Variants in MEF2A observed in about 807,000 individuals in gnomAD.
MEF2A encodes myocyte-specific enhancer factor 2A.
A neutral mutation model predicts 55.8 loss-of-function variants in MEF2A; 28 were observed. That is an observed-to-expected ratio of 0.50 (90% CI 0.37 to 0.69). The LOEUF is 0.69. Among genes scored for constraint, MEF2A ranks in the 30% least tolerant of loss-of-function variants. The pLI is 0.00. For missense variants in MEF2A, 528 were observed against 626.2 expected, an observed-to-expected ratio of 0.84 and a Z score of 1.67; for synonymous variants, 239 against 227.1, an observed-to-expected ratio of 1.05 and a Z score of -0.47.
At chr15:99,622,863 G>C (rs764250734) in intron 2 of MEF2A, among the ~76,000 whole-genome samples, 1 of 151,810 alleles carries the variant, frequency 6.6e-6, no homozygotes, top group Non-Finnish European at 1.5e-5. Flanking sequence ...CACCATGCCC[G>C]GCTAATTTTT....
At chr15:99,609,418 A>G (rs192410362) in intron 2 of MEF2A, among the ~76,000 whole-genome samples, 101 of 152,338 alleles carry the variant, frequency 6.6e-4, no homozygotes, top group African/African-American at 2.4e-3. Context: ...ATAAAGCCAA[A>G]CTGCACTTTC....
chr15:99,570,920 C>T (rs1961964790), intron 1 of MEF2A, among the ~76,000 whole-genome samples: 1 of 152,096 alleles, frequency 6.6e-6, no homozygotes, highest in African/African-American at 2.4e-5. Context: ...CGCGGTGGCT[C>T]ATGCCTGTAA....
intron 1 of MEF2A, among the ~76,000 whole-genome samples, chr15:99,574,024 T>C (rs1963426660): frequency 1.3e-5 from 2 of 152,170 alleles, no homozygotes; most frequent in African/African-American, 4.8e-5. Context: ...TTCCACAAAG[T>C]ACAGTTTTAG....
In MEF2A at chr15:99,706,743, C is replaced by T. The variant is rs776198742; in HGVS notation, c.897C>T (p.Ile299=). The change falls in exon 10 of 12, where the codon ATC becomes ATT. Residue 299 remains isoleucine, a synonymous_variant. Coordinates refer to ENST00000557942, the MANE Select transcript of MEF2A (RefSeq NM_001319206.4). Reference sequence around the variant, plus strand: ...TGATCTCACAGAATACCCAGAGGATCAGTAGTTCTCAAGCCACTCAACCTC... The same window carrying T: ...TGATCTCACAGAATACCCAGAGGATTAGTAGTTCTCAAGCCACTCAACCTC... ...EEELELNTQR[I]SSSQATQPLA... 3 of 1,613,098 alleles carry T rather than the reference C, an allele frequency of 1.9e-6. No homozygotes were observed. Among genetic ancestry groups the T allele is most frequent in the Admixed American group, 1.7e-5 (1 of 60,000 alleles).
Position 99,587,382 on chromosome 15 carries a change from T to C in MEF2A, c.-224-11048T>C, listed in dbSNP as rs1174971964. On this transcript the variant is annotated intron_variant, in intron 1 of 11. Coordinates refer to ENST00000557942, the MANE Select transcript of MEF2A (RefSeq NM_001319206.4). ...TTCATCCATGTCCCTGCAAAGGACA[T>C]GAACTCATCCTTTTTTTATGGCTGC... 3.3e-5 allele frequency among the ~76,000 whole-genome samples: 5 copies of C among 152,332 alleles called. No homozygotes were observed. The East Asian group carries it at 9.6e-4, about 29-fold the overall frequency.
At chr15:99,578,788 C>G (rs1448647827) in intron 1 of MEF2A, among the ~76,000 whole-genome samples, 1 of 152,164 alleles carries the variant, frequency 6.6e-6, no homozygotes, top group African/African-American at 2.4e-5. Flanking sequence ...AAATAGCATT[C>G]AAAAACTTTA....
chr15:99,705,479 T>C (rs756740071), intron 9 of MEF2A, among the ~76,000 whole-genome samples: 6 of 152,206 alleles, frequency 3.9e-5, no homozygotes, highest in Non-Finnish European at 5.9e-5. Context: ...TATTTGACAA[T>C]GAAGAAGTTC....
At chr15:99,600,644 G>GT (rs1366113031) in intron 2 of MEF2A, among the ~76,000 whole-genome samples, 3 of 152,150 alleles carry the variant, frequency 2.0e-5, no homozygotes, top group African/African-American at 2.4e-5. Flanking sequence ...TGTTCCAGCA[G>GT]TTTTTTTGAA....
At chr15:99,703,762 A>G (rs1231625958) in intron 9 of MEF2A, among the ~76,000 whole-genome samples, 2 of 152,074 alleles carry the variant, frequency 1.3e-5, no homozygotes, top group African/African-American at 4.8e-5. Context: ...GTAACACACG[A>G]TGTTGTGTTG....
intron 3 of MEF2A, among the ~76,000 whole-genome samples, chr15:99,639,479 A>G (rs941358916): frequency 5.9e-5 from 9 of 152,234 alleles, no homozygotes; most frequent in Non-Finnish European, 1.3e-4. Flanking sequence ...CAATACTTCT[A>G]TCAAAGAACA....
chr15:99,616,156 A>G (rs1188204097), intron 2 of MEF2A, among the ~76,000 whole-genome samples: 1 of 152,184 alleles, frequency 6.6e-6, no homozygotes, highest in African/African-American at 2.4e-5. Flanking sequence ...CAAACAGCTG[A>G]GAAAATTGAG....
At chr15:99,599,059 A>T (rs1370579369) in intron 2 of MEF2A, among the ~76,000 whole-genome samples, 1 of 152,174 alleles carries the variant, frequency 6.6e-6, no homozygotes, top group Non-Finnish European at 1.5e-5. Context: ...TGCAAAGCTC[A>T]GGAGGAGACT....
intron 2 of MEF2A, among the ~76,000 whole-genome samples, chr15:99,606,360 A>G (rs1464896537): frequency 6.6e-6 from 1 of 152,188 alleles, no homozygotes; most frequent in African/African-American, 2.4e-5. Flanking sequence ...AAAAAAATCA[A>G]AACGGCAAGT....
At chr15:99,578,271 A>G (rs1310492712) in intron 1 of MEF2A, among the ~76,000 whole-genome samples, 4 of 152,128 alleles carry the variant, frequency 2.6e-5, no homozygotes, top group African/African-American at 9.7e-5. Context: ...TTATTCATTC[A>G]TTTATATCAG....
chr15:99,704,435 T>A, intron 9 of MEF2A, among the ~76,000 whole-genome samples: 1 of 152,258 alleles, frequency 6.6e-6, no homozygotes, highest in Admixed American at 6.5e-5. Flanking sequence ...CTTTACTTAA[T>A]GATACCATAA....
At position 99,713,512 on chromosome 15, in the gene MEF2A, A is replaced by T. The variant is rs2058867379; in HGVS notation, c.*741A>T. 6.6e-6 allele frequency: 1 copy of T among 152,336 alleles called. No individual in the cohort carries two copies. The highest frequency in any genetic ancestry group is 2.4e-5 in the African/African-American group (1 of 41,476). 9.4% of individuals were successfully genotyped at this position (152,336 alleles called of 1,614,324 possible). A position where few individuals can be genotyped will look rare whatever the true frequency, so the allele number is the denominator to read the frequency against. On this transcript the variant is annotated 3_prime_UTR_variant, in exon 12 of 12. Coordinates refer to ENST00000557942, the MANE Select transcript of MEF2A (RefSeq NM_001319206.4). ...AATTAATATATTAAGTTATAATTGGAATATGTCAGAAGTTTCTTTTTACAT... is the reference window on the plus strand; with the variant it reads ...AATTAATATATTAAGTTATAATTGGTATATGTCAGAAGTTTCTTTTTACAT...
intron 1 of MEF2A, among the ~76,000 whole-genome samples, chr15:99,575,768 C>T (rs963947821): frequency 1.3e-5 from 2 of 152,202 alleles, no homozygotes; most frequent in South Asian, 2.1e-4. Flanking sequence ...ATCGTTCCCT[C>T]TCCATTTATT....
chr15:99,666,576 AGT>A (rs2049778022), intron 4 of MEF2A, among the ~76,000 whole-genome samples: 1 of 129,284 alleles, frequency 7.7e-6, no homozygotes, highest in African/African-American at 2.8e-5. Context: ...CAGAACTTAA[AGT>A]ATAATAATAA....
At chr15:99,696,121 C>CT (rs1266979992) in intron 8 of MEF2A, among the ~76,000 whole-genome samples, 6 of 152,098 alleles carry the variant, frequency 3.9e-5, no homozygotes, top group Admixed American at 3.3e-4. Flanking sequence ...AAAGTGAAGA[C>CT]TGATAGAACT....
Sources: gnomAD v4.1 joint callset for allele counts (sites outside exome capture counted in the v4.1 genomes callset) on GRCh38, gnomAD v4.1.1 for gene constraint, MANE v1.5 for transcripts, NCBI Gene and HGNC (gene_info 2026-07-23, HGNC 2026-07-21) for gene names.